RYR3: variants seen among roughly 807,000 people sequenced by gnomAD.
RYR3 encodes brain ryanodine receptor-calcium release channel.
RYR3 carries 207 observed loss-of-function variants against 584.3 expected under a neutral mutation model. The ratio of observed to expected loss-of-function variants is 0.35; its 90% CI spans 0.32 to 0.40. The LOEUF (loss-of-function observed/expected upper bound fraction) is 0.40, where lower values mean the gene tolerates loss of function less well. Ranked by LOEUF, RYR3 falls within the 10% of genes least tolerant of loss-of-function variation. The pLI is 1.00. For synonymous variants in RYR3, 2,416 were observed against 2,248.5 expected (o/e 1.07, Z -2.11); for missense variants, 5,616 against 6,089.2 (o/e 0.92, Z 2.59).
rs1417635794 is a variant in RYR3 at position 33,390,470 on chromosome 15, A to T, written c.51+79374A>T. Among the ~76,000 whole-genome samples, 3 of 152,192 alleles carry T rather than the reference A, an allele frequency of 2.0e-5. No individual in the cohort carries two copies. Among genetic ancestry groups the T allele is most frequent in the African/African-American group, 7.2e-5 (3 of 41,438 alleles). On this transcript the variant is annotated intron_variant, in intron 1 of 103. Coordinates refer to ENST00000634891, the MANE Select transcript of RYR3 (RefSeq NM_001036.6). The surrounding 1 kb of genome is among the most constrained non-coding windows in gnomAD (Gnocchi z 4.2). ...ACCTCCTGTGAAGTTGCTTCTCTTT[A>T]TCTGTTGATCTTATGATGCTGAAAA... is the stretch of plus-strand genomic sequence containing the variant.
At chr15:33,824,437 T>C (rs1003228094) in intron 81 of RYR3, among the ~76,000 whole-genome samples, 1 of 152,214 alleles carries the variant, frequency 6.6e-6, no homozygotes, top group African/African-American at 2.4e-5. Flanking sequence ...GTGTGTTGCA[T>C]AGATTCAGAT....
intron 1 of RYR3, among the ~76,000 whole-genome samples, chr15:33,396,924 C>G (rs1363700082): frequency 6.6e-6 from 1 of 152,156 alleles, no homozygotes; most frequent in African/African-American, 2.4e-5. Context: ...CCAAATAACA[C>G]AAGCCAACCT....
chr15:33,708,853 G>A (rs2066900512), intron 43 of RYR3, among the ~76,000 whole-genome samples: 1 of 152,200 alleles, frequency 6.6e-6, no homozygotes, highest in African/African-American at 2.4e-5. Context: ...CTGCTGCTGT[G>A]TCGTTCCCCT....
intron 32 of RYR3, among the ~76,000 whole-genome samples, chr15:33,657,430 C>T (rs2062882661): frequency 6.6e-6 from 1 of 152,216 alleles, no homozygotes; most frequent in South Asian, 2.1e-4. Flanking sequence ...TTTCCTCAGC[C>T]ACAGGAGCTC....
At chr15:33,415,913 G>C (rs1419951331) in intron 1 of RYR3, among the ~76,000 whole-genome samples, 1 of 151,884 alleles carries the variant, frequency 6.6e-6, no homozygotes, top group Non-Finnish European at 1.5e-5. Context: ...TCCCATCTTT[G>C]CGTGTAGCCA....
intron 6 of RYR3, among the ~76,000 whole-genome samples, chr15:33,540,509 A>G (rs1439282662): frequency 6.6e-6 from 1 of 152,204 alleles, no homozygotes. Flanking sequence ...TATCCTACAA[A>G]GAATGGACAT....
intron 36 of RYR3, among the ~76,000 whole-genome samples, chr15:33,668,467 T>C (rs1468395058): frequency 2.6e-5 from 4 of 152,032 alleles, no homozygotes; most frequent in Non-Finnish European, 1.5e-5. Flanking sequence ...TAAAGATAAT[T>C]ACCCAGTAGA....
At chr15:33,572,962 G>C (rs1052435026) in intron 12 of RYR3, among the ~76,000 whole-genome samples, 1 of 151,952 alleles carries the variant, frequency 6.6e-6, no homozygotes, top group African/African-American at 2.4e-5. Flanking sequence ...CAACAACAGC[G>C]AAATTCTGTC....
Position 33,660,286 on chromosome 15 carries a change from C to G in RYR3, c.4485C>G (p.Ile1495Met). Reference sequence around the variant, plus strand: ...CACCTCGGCTGGACGTCCAAACCATCCAGCCCGTGCTCTGGAGCCGCATGC... The same window carrying G: ...CACCTCGGCTGGACGTCCAAACCATGCAGCCCGTGCTCTGGAGCCGCATGC... The part of the protein sequence containing the change: ...QCPPRLDVQT[I>M]QPVLWSRMPN... The change falls in exon 34 of 104, where the codon ATC becomes ATG. Residue 1495 changes from isoleucine (I) to methionine (M), a missense_variant. This residue lies in a region of RYR3 where 753 missense variants were observed against 741.0 expected (regional missense o/e 1.02). Coordinates refer to ENST00000634891, the MANE Select transcript of RYR3 (RefSeq NM_001036.6). The G allele has an allele frequency of 6.4e-7, 1 of 1,563,990 alleles. No homozygotes were observed.
intron 67 of RYR3, among the ~76,000 whole-genome samples, chr15:33,794,108 AT>A: frequency 5.9e-5 from 2 of 33,812 alleles, no homozygotes; most frequent in South Asian, 4.8e-3. Context: ...TTATATAAAT[AT>A]AATATACATA....
chr15:33,684,988 A>T (rs958351218), intron 38 of RYR3, among the ~76,000 whole-genome samples: 1 of 152,238 alleles, frequency 6.6e-6, no homozygotes, highest in Admixed American at 6.5e-5. Flanking sequence ...CCACTGCAAA[A>T]ACATGCCAAA....
chr15:33,487,640 G>A (rs1372548924), intron 2 of RYR3, among the ~76,000 whole-genome samples: 2 of 152,114 alleles, frequency 1.3e-5, no homozygotes, highest in Non-Finnish European at 2.9e-5. Flanking sequence ...AGGTTCTATG[G>A]GGACCATGGT....
intron 47 of RYR3, among the ~76,000 whole-genome samples, chr15:33,729,684 A>G (rs372141073): frequency 6.6e-6 from 1 of 152,162 alleles, no homozygotes; most frequent in East Asian, 1.9e-4. Flanking sequence ...AAGCTCAGAT[A>G]CGAGATGCCA....
chr15:33,827,396 G>C, intron 85 of RYR3, 109 bp downstream of exon 85: 1 of 974,782 alleles, frequency 1.0e-6, no homozygotes, highest in South Asian at 1.5e-5. Context: ...CCCCTATAAG[G>C]AAGGCGTTGT....
intron 100 of RYR3, 87 bp from the exon 101 acceptor site, chr15:33,860,508 A>T (rs1481602240): frequency 4.1e-6 from 3 of 726,096 alleles, no homozygotes; most frequent in Non-Finnish European, 6.4e-6. Flanking sequence ...TTTTTTTTTT[A>T]ACAGAACAAA....
intron 69 of RYR3, among the ~76,000 whole-genome samples, chr15:33,803,585 G>A (rs547090551): frequency 3.9e-5 from 6 of 152,082 alleles, no homozygotes; most frequent in Admixed American, 2.0e-4. Context: ...GCATGATCTC[G>A]GCTCTCTGTG....
intron 1 of RYR3, among the ~76,000 whole-genome samples, chr15:33,421,936 A>C (rs1330074924): frequency 6.6e-6 from 1 of 152,172 alleles, no homozygotes; most frequent in East Asian, 1.9e-4. Flanking sequence ...TATTTAGATA[A>C]GAATAATCAA....
intron 2 of RYR3, among the ~76,000 whole-genome samples, chr15:33,479,706 A>C (rs943601002): frequency 6.6e-6 from 1 of 152,194 alleles, no homozygotes; most frequent in Non-Finnish European, 1.5e-5. Context: ...AATATTCAGA[A>C]ATAAAGAGTA....
At chr15:33,806,582 C>G (rs1323728173) in intron 69 of RYR3, among the ~76,000 whole-genome samples, 1 of 151,776 alleles carries the variant, frequency 6.6e-6, no homozygotes, top group East Asian at 1.9e-4. Flanking sequence ...AGTGAGTTAA[C>G]TAATCTTAGC....
Sources: gnomAD v4.1 joint callset for allele counts (sites outside exome capture counted in the v4.1 genomes callset) on GRCh38, gnomAD v4.1.1 for gene constraint, gnomAD v4.1.1 regional missense constraint, Gnocchi (gnomAD v3.1) non-coding constraint, MANE v1.5 for transcripts, NCBI Gene and HGNC (gene_info 2026-07-23, HGNC 2026-07-21) for gene names.